The following ANKH variants were observed in gnomAD, a reference collection of about 807,000 sequenced individuals.
ANKH encodes mineralization regulator ANKH.
ANKH carries 15 observed loss-of-function variants against 49.0 expected under a neutral mutation model. The ratio of observed to expected loss-of-function variants is 0.31; its 90% CI spans 0.20 to 0.47. The LOEUF (loss-of-function observed/expected upper bound fraction) is 0.47. ANKH is among the 20% of genes least tolerant of loss of function. ANKH has a pLI of 1.00. For missense variants in ANKH, 429 were observed against 652.0 expected, an observed-to-expected ratio of 0.66 and a Z score of 3.72; for synonymous variants, 273 against 260.0, an observed-to-expected ratio of 1.05 and a Z score of -0.48.
At chr5:14,728,472 G>A (rs1561026962) in intron 8 of ANKH, among the ~76,000 whole-genome samples, 1 of 152,228 alleles carries the variant, frequency 6.6e-6, no homozygotes, top group Non-Finnish European at 1.5e-5. Flanking sequence ...CCATACACAA[G>A]AGAGGCATTT....
At chr5:14,716,857 A>T (rs371669206) in intron 8 of ANKH, 22 bp from the exon 9 acceptor site, 1 of 1,612,696 alleles carries the variant, frequency 6.2e-7, no homozygotes, top group African/African-American at 1.3e-5. Flanking sequence ...GACATCAAAC[A>T]GGGTTGTGAG....
intron 1 of ANKH, among the ~76,000 whole-genome samples, chr5:14,776,409 A>ATC (rs1739623396): frequency 6.6e-6 from 1 of 152,244 alleles, no homozygotes; most frequent in African/African-American, 2.4e-5. Flanking sequence ...GCCTACAGAT[A>ATC]GAATTTAAAG....
chr5:14,740,389 G>A (rs1158078079), intron 8 of ANKH, among the ~76,000 whole-genome samples: 4 of 152,218 alleles, frequency 2.6e-5, no homozygotes, highest in African/African-American at 9.6e-5. Context: ...GGAAAAGCTT[G>A]GGCACCACAG....
chr5:14,715,988 C>T (rs566621489), intron 9 of ANKH, among the ~76,000 whole-genome samples: 59 of 152,192 alleles, frequency 3.9e-4, no homozygotes, highest in African/African-American at 1.0e-3. Flanking sequence ...TTTAGCAATA[C>T]GCTCACTCTA....
intron 1 of ANKH, among the ~76,000 whole-genome samples, chr5:14,782,925 C>T (rs1413779096): frequency 6.6e-6 from 1 of 152,142 alleles, no homozygotes; most frequent in Non-Finnish European, 1.5e-5. Flanking sequence ...AGGACAAGAA[C>T]CTCTAGGGGC....
At chr5:14,776,560 G>C (rs2126523173) in intron 1 of ANKH, among the ~76,000 whole-genome samples, 1 of 152,336 alleles carries the variant, frequency 6.6e-6, no homozygotes, top group Admixed American at 6.5e-5. Flanking sequence ...CGTTGTGACA[G>C]TGCTGTAGTT....
rs373461922 is a variant in ANKH at position 14,871,342 on chromosome 5, C to A, written c.96+10G>T. ...GGCGAGCGGGCGTGGGGCGCGGGGC[C>A]GGGGCTTACCTGCTCCCCGAAGTCG... is the stretch of plus-strand genomic sequence containing the variant. On this transcript the variant is annotated intron_variant, in intron 1 of 11. Transcript: ENST00000284268. 1.2e-6 allele frequency: 2 copies of A among 1,608,782 alleles called. No individual in the cohort carries two copies. Among genetic ancestry groups the A allele is most frequent in the Non-Finnish European group, 1.7e-6 (2 of 1,176,746 alleles).
chr5:14,809,335 T>TAAAAAAAAAAAAAAAAAAA (rs36119317), intron 1 of ANKH, among the ~76,000 whole-genome samples: 2 of 80,858 alleles, frequency 2.5e-5, no homozygotes, highest in Admixed American at 1.4e-4. Flanking sequence ...TAGAGTATAA[T>TAAAAAAAAAAAAAAAAAAA]AAAAAAAAAA....
chr5:14,719,878 CCAA>C (rs1267516669), intron 8 of ANKH, among the ~76,000 whole-genome samples: 6 of 152,136 alleles, frequency 3.9e-5, no homozygotes, highest in Non-Finnish European at 7.3e-5. Flanking sequence ...ATTTTAAAAT[CCAA>C]CAACATAACT....
chr5:14,772,297 G>A lies in ANKH; in HGVS notation c.97-3106C>T, dbSNP rs145341425. On this transcript the variant is annotated intron_variant, in intron 1 of 11. Coordinates refer to ENST00000284268, the MANE Select transcript of ANKH (RefSeq NM_054027.6). Reference sequence around the variant, plus strand: ...CTTAAGAGTTGACATTCTCTGCAAAGCACTGTTAGGAAGAAATGTATTTAC... The same window carrying A: ...CTTAAGAGTTGACATTCTCTGCAAAACACTGTTAGGAAGAAATGTATTTAC... Among the ~76,000 whole-genome samples the A allele has an allele frequency of 4.4e-3, 677 of 152,280 alleles. 4 individuals are homozygous for A. Among genetic ancestry groups the A allele is most frequent in the South Asian group, 0.018 (88 of 4,828 alleles).
At chr5:14,724,466 C>T in intron 8 of ANKH, 1 of 806,626 alleles carries the variant, frequency 1.2e-6, no homozygotes, top group Non-Finnish European at 1.5e-6. Context: ...AAAACTTTGA[C>T]CACATATTAA....
At position 14,737,938 on chromosome 5, in the gene ANKH, C is replaced by T. The variant is rs1312676921; in HGVS notation, c.1011+3889G>A. Among the ~76,000 whole-genome samples the T allele has an allele frequency of 6.6e-6, 1 of 152,186 alleles. No homozygotes were observed. The highest frequency in any genetic ancestry group is 1.5e-5 in the Non-Finnish European group (1 of 68,024). Reference sequence around the variant, plus strand: ...CAGATGGTTTAGAGAGATCAATCAACCTCCGGCTAAGCATGCCTAACCGCA... The same window carrying T: ...CAGATGGTTTAGAGAGATCAATCAATCTCCGGCTAAGCATGCCTAACCGCA... On this transcript the variant is annotated intron_variant, in intron 8 of 11. Transcript: ENST00000284268. This position sits in a 1 kb window ranked among gnomAD's most constrained non-coding sequence, Gnocchi z 5.0.
intron 1 of ANKH, among the ~76,000 whole-genome samples, chr5:14,833,320 C>G (rs1164239881): frequency 1.3e-5 from 2 of 152,192 alleles, no homozygotes; most frequent in African/African-American, 2.4e-5. Context: ...TATTCCAACA[C>G]GCCTGCTTGC....
intron 1 of ANKH, among the ~76,000 whole-genome samples, chr5:14,773,487 G>C (rs1739515741): frequency 6.6e-6 from 1 of 151,076 alleles, no homozygotes; most frequent in Non-Finnish European, 1.5e-5. Context: ...GGTGGGAAGA[G>C]AGAGGGCCCA....
At chr5:14,797,887 G>A (rs1453079359) in intron 1 of ANKH, 21 of 1,611,914 alleles carry the variant, frequency 1.3e-5, no homozygotes, top group Middle Eastern at 1.9e-4. Context: ...CCACGGAGAC[G>A]CAAGTCTGGG....
chr5:14,714,476 G>T (rs532519503), intron 9 of ANKH, among the ~76,000 whole-genome samples: 2 of 152,318 alleles, frequency 1.3e-5, no homozygotes, highest in African/African-American at 4.8e-5. Context: ...CCTCCCTGTG[G>T]ACAGCACCAG....
intron 1 of ANKH, among the ~76,000 whole-genome samples, chr5:14,817,273 T>C (rs1290108629): frequency 6.6e-6 from 1 of 152,078 alleles, no homozygotes; most frequent in African/African-American, 2.4e-5. Context: ...GGCTCGTTGA[T>C]GGTGATAGGT....
chr5:14,812,461 G>A (rs139988428), intron 1 of ANKH, among the ~76,000 whole-genome samples: 89 of 152,196 alleles, frequency 5.8e-4, no homozygotes, highest in African/African-American at 1.8e-3. Context: ...ACTTCATCCC[G>A]TAACTACATA....
intron 4 of ANKH, among the ~76,000 whole-genome samples, chr5:14,751,837 T>C (rs181540911): frequency 4.1e-4 from 63 of 152,290 alleles, no homozygotes; most frequent in Admixed American, 1.6e-3. Context: ...TCAAAGTACT[T>C]TGCATGGAAT....
Sources: gnomAD v4.1 joint callset for allele counts (sites outside exome capture counted in the v4.1 genomes callset) on GRCh38, gnomAD v4.1.1 for gene constraint, Gnocchi (gnomAD v3.1) non-coding constraint, MANE v1.5 for transcripts, NCBI Gene and HGNC (gene_info 2026-07-23, HGNC 2026-07-21) for gene names.